The following FAM110B variants were observed in gnomAD, a reference collection of about 807,000 sequenced individuals.
The protein encoded by FAM110B is family with sequence similarity 110 member B.
FAM110B carries 6 observed loss-of-function variants against 20.4 expected under a neutral mutation model. The ratio of observed to expected loss-of-function variants is 0.29; its 90% CI spans 0.16 to 0.58. The LOEUF (loss-of-function observed/expected upper bound fraction) is 0.58. FAM110B is among the 20% of genes least tolerant of loss of function. The probability of loss-of-function intolerance (pLI) is 0.90; values close to 1 mark genes in which losing one functional copy is unlikely to be tolerated. For synonymous variants in FAM110B, 226 were observed against 214.1 expected (o/e 1.06, Z -0.49); for missense variants, 434 against 498.2 (o/e 0.87, Z 1.23).
chr8:58,112,234 C>T (rs1301227066), intron 3 of FAM110B, among the ~76,000 whole-genome samples: 2 of 152,166 alleles, frequency 1.3e-5, no homozygotes, highest in Non-Finnish European at 2.9e-5. Context: ...GAAGCTGAGG[C>T]AGGAGAATCG....
rs117824718 is a variant in FAM110B, at chr8:58,008,198, G to T, written c.-512+13392G>T. 6.6e-3 allele frequency among the ~76,000 whole-genome samples: 964 copies of T among 145,162 alleles called. 6 individuals are homozygous for T. The highest frequency in any genetic ancestry group is 0.01 in the Admixed American group (143 of 14,008). ...GCTGGATTGCAATGGCGTGATCTCAGCTCGGCTTACTGCAACCTCCACCTT... is the reference window on the plus strand; with the variant it reads ...GCTGGATTGCAATGGCGTGATCTCATCTCGGCTTACTGCAACCTCCACCTT... On this transcript the variant is annotated intron_variant, in intron 1 of 3. Coordinates refer to ENST00000519262, the MANE Select transcript of FAM110B (RefSeq NM_001377989.1).
intron 3 of FAM110B, among the ~76,000 whole-genome samples, chr8:58,133,464 G>A (rs1193252718): frequency 1.3e-5 from 2 of 152,160 alleles, no homozygotes; most frequent in Non-Finnish European, 2.9e-5. Flanking sequence ...GGGGAAGGAG[G>A]GTCAGTACCA....
At position 58,108,210 on chromosome 8, in the gene FAM110B, G is replaced by A. The variant is rs555302243; in HGVS notation, c.-325+32587G>A. Among the ~76,000 whole-genome samples the A allele has an allele frequency of 3.9e-5, 6 of 152,340 alleles. No individual in the cohort carries two copies. In the South Asian group the frequency reaches 1.0e-3, roughly 26 times the overall value. On this transcript the variant is annotated intron_variant, in intron 3 of 3. Transcript: ENST00000519262. ...GTGAAGATTACTATAAGGAATGATT[G>A]AGCAACAAGATGCCAGTGATGGTCA... is the stretch of plus-strand genomic sequence containing the variant.
At chr8:58,000,117 C>G (rs1398177595) in intron 1 of FAM110B, among the ~76,000 whole-genome samples, 2 of 152,188 alleles carry the variant, frequency 1.3e-5, no homozygotes, top group South Asian at 2.1e-4. Context: ...TCTGCAAGGT[C>G]TCTGGGCATT....
At chr8:58,019,336 CAAAAAAAAAA>C (rs61622368) in intron 1 of FAM110B, among the ~76,000 whole-genome samples, 1 of 78,372 alleles carries the variant, frequency 1.3e-5, no homozygotes, top group African/African-American at 5.2e-5. Context: ...GACTCTGTCT[CAAAAAAAAAA>C]AAAAAAAAAA....
intron 2 of FAM110B, among the ~76,000 whole-genome samples, chr8:58,043,508 G>A (rs1356579712): frequency 1.3e-5 from 2 of 151,294 alleles, no homozygotes; most frequent in Non-Finnish European, 2.9e-5. Flanking sequence ...AAGTTCTAGG[G>A]TACATGTGCA....
intron 1 of FAM110B, among the ~76,000 whole-genome samples, chr8:58,019,502 T>A (rs117151923): frequency 8.3e-4 from 127 of 152,292 alleles, no homozygotes; most frequent in Middle Eastern, 3.4e-3. Flanking sequence ...CCCTTCAGCC[T>A]GAAGAACTTT....
At chr8:58,090,879 T>A (rs1406834593) in intron 3 of FAM110B, among the ~76,000 whole-genome samples, 1 of 152,202 alleles carries the variant, frequency 6.6e-6, no homozygotes, top group Non-Finnish European at 1.5e-5. Context: ...ACAAGTAAAT[T>A]ATAATTTTTA....
At chr8:58,064,040 G>A (rs911978353) in intron 2 of FAM110B, among the ~76,000 whole-genome samples, 3 of 152,158 alleles carry the variant, frequency 2.0e-5, no homozygotes, top group African/African-American at 7.2e-5. Flanking sequence ...TATGGCTGGT[G>A]CAGGAAGAAG....
chr8:58,112,976 T>C (rs1346168313), intron 3 of FAM110B, among the ~76,000 whole-genome samples: 1 of 152,138 alleles, frequency 6.6e-6, no homozygotes, highest in Non-Finnish European at 1.5e-5. Context: ...TCGTGTCTAG[T>C]GAAGCCCCAC....
intron 1 of FAM110B, among the ~76,000 whole-genome samples, chr8:58,028,260 C>T (rs35856042): frequency 0.16 from 23,932 of 152,006 alleles, 2,352 homozygotes; most frequent in African/African-American, 0.26. Context: ...CCTGCCACCA[C>T]GCCTGGCTAA....
At chr8:58,009,839 T>A (rs1804490709) in intron 1 of FAM110B, among the ~76,000 whole-genome samples, 1 of 152,170 alleles carries the variant, frequency 6.6e-6, no homozygotes, top group African/African-American at 2.4e-5. Flanking sequence ...TAAGAACAAA[T>A]CATGCCAAAC....
chr8:58,142,296 AG>A (rs1181927454), intron 3 of FAM110B, among the ~76,000 whole-genome samples: 2 of 152,180 alleles, frequency 1.3e-5, no homozygotes, highest in African/African-American at 4.8e-5. Flanking sequence ...GGCAACAAAC[AG>A]CATCACCTGG....
chr8:58,035,995 C>T (rs1004833343), intron 2 of FAM110B, among the ~76,000 whole-genome samples: 2 of 152,076 alleles, frequency 1.3e-5, no homozygotes. Context: ...TGCAGTAGCC[C>T]GGGCCTCTAT....
intron 1 of FAM110B, among the ~76,000 whole-genome samples, chr8:58,022,818 A>G (rs1441495938): frequency 6.6e-6 from 1 of 152,222 alleles, no homozygotes; most frequent in Non-Finnish European, 1.5e-5. Flanking sequence ...GAAGGCTCCA[A>G]TTATACTTCT....
intron 1 of FAM110B, among the ~76,000 whole-genome samples, chr8:58,003,506 A>T (rs1804342396): frequency 3.9e-5 from 6 of 152,242 alleles, no homozygotes; most frequent in Admixed American, 2.0e-4. Flanking sequence ...TGGCAGCTAT[A>T]GCCTTACAAA....
intron 2 of FAM110B, among the ~76,000 whole-genome samples, chr8:58,046,942 A>G (rs1195463705): frequency 1.3e-5 from 2 of 152,214 alleles, no homozygotes; most frequent in Non-Finnish European, 2.9e-5. Context: ...TCTTAAGGTA[A>G]AAGTGTTGGG....
At chr8:58,000,112 AAGGTCTCTGGGCATTG>A (rs1563492740) in intron 1 of FAM110B, among the ~76,000 whole-genome samples, 1 of 152,244 alleles carries the variant, frequency 6.6e-6, no homozygotes, top group Non-Finnish European at 1.5e-5. Flanking sequence ...TGACCTCTGC[AAGGTCTCTGGGCATTG>A]AGGATGGCCC....
intron 2 of FAM110B, among the ~76,000 whole-genome samples, chr8:58,039,175 C>G (rs1316250201): frequency 6.6e-6 from 1 of 152,234 alleles, no homozygotes; most frequent in Non-Finnish European, 1.5e-5. Context: ...ACTCACAGGG[C>G]CCCTCCTTGC....
Sources: gnomAD v4.1 joint callset for allele counts (sites outside exome capture counted in the v4.1 genomes callset) on GRCh38, gnomAD v4.1.1 for gene constraint, MANE v1.5 for transcripts, NCBI Gene and HGNC (gene_info 2026-07-23, HGNC 2026-07-21) for gene names.